Variants in ACSM2A observed in about 807,000 individuals in gnomAD.
ACSM2A encodes the protein acyl-coenzyme A synthetase ACSM2A, mitochondrial.
In ACSM2A, 72 loss-of-function variants were observed where a neutral mutation model predicts 76.6. That is an observed-to-expected ratio of 0.94 (90% CI 0.78 to 1.14). The LOEUF (loss-of-function observed/expected upper bound fraction) is 1.14, where lower values mean the gene tolerates loss of function less well. Ranked by LOEUF, ACSM2A falls within the 50% of genes most tolerant of loss-of-function variation. ACSM2A has a pLI of 0.00. For missense variants in ACSM2A, 684 were observed against 708.5 expected (o/e 0.97, Z 0.39); for synonymous variants, 249 against 255.9 (o/e 0.97, Z 0.26).
At chr16:20,485,532 C>T (rs1596684205) in intron 13 of ACSM2A, among the ~76,000 whole-genome samples, 1 of 152,246 alleles carries the variant, frequency 6.6e-6, no homozygotes, top group African/African-American at 2.4e-5. Flanking sequence ...TTTGTTGCAA[C>T]TACTCAACTT....
At position 20,471,070 on chromosome 16, in the gene ACSM2A, C is replaced by T; in HGVS notation, c.597-3C>T. 2 of 1,613,214 alleles carry T rather than the reference C, an allele frequency of 1.2e-6. No homozygotes were observed. Among genetic ancestry groups the T allele is most frequent in the Non-Finnish European group, 1.7e-6 (2 of 1,179,514 alleles). ...AAAAAATGACAATCTGTGTCTCTGT[C>T]AGTGAGGCATCCACCACTCATCACT... On this transcript the variant is annotated splice_polypyrimidine_tract_variant and splice_region_variant and intron_variant, in intron 4 of 13. Transcript: ENST00000573854.
At chr16:20,468,882 G>C (rs1271276744) in intron 3 of ACSM2A, among the ~76,000 whole-genome samples, 2 of 152,112 alleles carry the variant, frequency 1.3e-5, no homozygotes, top group Admixed American at 6.6e-5. Context: ...ACTTTCTAAT[G>C]TTCTCATCAC....
chr16:20,485,629 G>T lies in ACSM2A; in HGVS notation c.1630-945G>T, dbSNP rs187404348. 3.1e-3 allele frequency among the ~76,000 whole-genome samples: 465 copies of T among 152,282 alleles called. 6 individuals carry two copies. Among genetic ancestry groups the T allele is most frequent in the Non-Finnish European group, 1.7e-3 (116 of 68,022 alleles). ...ACTTTATTGATAAAAACAGGAAGTG[G>T]GCTGTATTTTGCCTGCAGGCCATAG... On this transcript the variant is annotated intron_variant, in intron 13 of 13. Transcript: ENST00000573854.
At chr16:20,469,943 T>C (rs2013281692) in intron 4 of ACSM2A, among the ~76,000 whole-genome samples, 1 of 148,182 alleles carries the variant, frequency 6.7e-6, no homozygotes, top group South Asian at 2.2e-4. Flanking sequence ...CTGGACCTTC[T>C]GAGCAGCATA....
At chr16:20,454,130 G>A (rs899721638) in intron 1 of ACSM2A, among the ~76,000 whole-genome samples, 2 of 132,022 alleles carry the variant, frequency 1.5e-5, no homozygotes, top group East Asian at 3.3e-4. Context: ...TTTGCTGCTC[G>A]GGGTCACCAT....
At chr16:20,478,398 G>A (rs142627963) in intron 9 of ACSM2A, among the ~76,000 whole-genome samples, 178 bp from the exon 10 acceptor site, 1 of 152,316 alleles carries the variant, frequency 6.6e-6, no homozygotes, top group East Asian at 1.9e-4. Context: ...AACTATTCCA[G>A]GCAGATAGAT....
At chr16:20,453,903 T>C (rs2011947343) in intron 1 of ACSM2A, 1 of 127,322 alleles carries the variant, frequency 7.9e-6, no homozygotes, top group Non-Finnish European at 1.6e-5. Flanking sequence ...GCCGGGTAAA[T>C]TCTAGTCAGA....
chr16:20,465,125 T>G (rs1402238478), intron 2 of ACSM2A, among the ~76,000 whole-genome samples: 4 of 152,180 alleles, frequency 2.6e-5, no homozygotes, highest in African/African-American at 9.6e-5. Context: ...TCCAATGTTT[T>G]TCTACTAAGA....
chr16:20,475,009 G>A (rs1213322604), intron 6 of ACSM2A, among the ~76,000 whole-genome samples: 4 of 152,152 alleles, frequency 2.6e-5, no homozygotes, highest in Admixed American at 1.3e-4. Context: ...CAGCTGCTGT[G>A]CTCAGGCAGC....
rs375317702 is a variant in ACSM2A at position 20,480,910 on chromosome 16, G to A, written c.1498G>A (p.Val500Ile). Reference protein sequence around the residue: ...ETAVISSPDPVRGEVVKAFVV... With the variant: ...ETAVISSPDPIRGEVVKAFVV... Reference sequence around the variant, plus strand: ...GGCTGTGATCAGCAGCCCAGACCCCGTCCGAGGAGAGGTGATGGGGAAGCA... The same window carrying A: ...GGCTGTGATCAGCAGCCCAGACCCCATCCGAGGAGAGGTGATGGGGAAGCA... Residue 500 changes from valine to isoleucine, a missense_variant, in exon 12 of 14, where the codon GTC becomes ATC. Around this residue, in one of 3 missense-constraint regions of ACSM2A, gnomAD observed 159 missense variants for 132.5 expected, o/e 1.20. Coordinates refer to ENST00000573854, the MANE Select transcript of ACSM2A (RefSeq NM_001308172.2). 2.7e-5 allele frequency: 43 copies of A among 1,613,776 alleles called. No individual in the cohort carries two copies. The African/African-American group carries it at 2.8e-4, about 11-fold the overall frequency.
chr16:20,455,387 C>A, intron 1 of ACSM2A, among the ~76,000 whole-genome samples: 1 of 151,602 alleles, frequency 6.6e-6, no homozygotes, highest in Admixed American at 6.6e-5. Context: ...ATCTTAAGAG[C>A]TGTGAGGCAA....
At chr16:20,463,633 C>G (rs914385661) in intron 2 of ACSM2A, among the ~76,000 whole-genome samples, 1 of 152,118 alleles carries the variant, frequency 6.6e-6, no homozygotes, top group South Asian at 2.1e-4. Context: ...ATGCCAGCAC[C>G]ATGCTTCCTG....
chr16:20,478,909 C>CCT (rs1253420632), intron 10 of ACSM2A, among the ~76,000 whole-genome samples: 8 of 152,154 alleles, frequency 5.3e-5, no homozygotes, highest in Non-Finnish European at 1.2e-4. Flanking sequence ...TTCAGTTAGC[C>CCT]CTTAGACTCC....
chr16:20,468,706 C>G (rs1183968876), intron 3 of ACSM2A, among the ~76,000 whole-genome samples: 1 of 152,138 alleles, frequency 6.6e-6, no homozygotes, highest in African/African-American at 2.4e-5. Flanking sequence ...AAAGGAGTCT[C>G]ATTAAAATAG....
chr16:20,481,895 G>C (rs2014106297), intron 12 of ACSM2A: 1 of 93,108 alleles, frequency 1.1e-5, no homozygotes, highest in Admixed American at 1.1e-4. Context: ...GTGCTTGGTT[G>C]GGAGGCCGAG....
At chr16:20,468,704 C>T (rs961911422) in intron 3 of ACSM2A, among the ~76,000 whole-genome samples, 3 of 152,110 alleles carry the variant, frequency 2.0e-5, no homozygotes, top group African/African-American at 7.2e-5. Flanking sequence ...TCAAAGGAGT[C>T]TCATTAAAAT....
At chr16:20,471,812 T>C (rs2013431047) in intron 6 of ACSM2A, 123 bp downstream of exon 6, 1 of 1,492,528 alleles carries the variant, frequency 6.7e-7, no homozygotes, top group African/African-American at 1.4e-5. Flanking sequence ...TGGTGAACAG[T>C]GTTCAGTAAA....
intron 9 of ACSM2A, among the ~76,000 whole-genome samples, chr16:20,477,932 A>C (rs574277315): frequency 3.3e-5 from 5 of 152,134 alleles, no homozygotes; most frequent in Non-Finnish European, 5.9e-5. Flanking sequence ...ACTATAATGA[A>C]TGTGTAGTAG....
intron 1 of ACSM2A, among the ~76,000 whole-genome samples, chr16:20,458,312 A>G (rs2012325224): frequency 6.8e-6 from 1 of 147,904 alleles, no homozygotes; most frequent in Admixed American, 6.8e-5. Context: ...ATCCAAAAAT[A>G]TTGTATCTAT....
Sources: gnomAD v4.1 joint callset for allele counts (sites outside exome capture counted in the v4.1 genomes callset) on GRCh38, gnomAD v4.1.1 for gene constraint, gnomAD v4.1.1 regional missense constraint, MANE v1.5 for transcripts, NCBI Gene and HGNC (gene_info 2026-07-23, HGNC 2026-07-21) for gene names.